Variants in FAM76B observed in about 807,000 individuals in gnomAD.
FAM76B encodes the protein protein FAM76B.
Under a neutral mutation model 51.8 loss-of-function variants are expected in FAM76B, and 16 were observed. The observed-to-expected ratio is 0.31, with a 90% CI of 0.21 to 0.47. The LOEUF is 0.47. Among genes scored for constraint, FAM76B ranks in the 20% least tolerant of loss-of-function variants. The pLI is 1.00. For synonymous variants in FAM76B, 166 were observed against 129.5 expected, an observed-to-expected ratio of 1.28 and a Z score of -1.91; for missense variants, 342 against 392.6, an observed-to-expected ratio of 0.87 and a Z score of 1.09.
Position 95,789,538 on chromosome 11 carries a change from C to A in FAM76B, c.-60G>T, listed in dbSNP as rs1490223334. ...CTCCGAGGCGGGGCCCTACGGAGAA[C>A]CCGAGAGCCGCCGCCGCCCGGGCCG... On this transcript the variant is annotated 5_prime_UTR_variant, in exon 1 of 10. Coordinates refer to ENST00000358780, the MANE Select transcript of FAM76B (RefSeq NM_144664.5). 12 of 1,489,996 alleles carry A rather than the reference C, an allele frequency of 8.1e-6. No individual in the cohort carries two copies. Among genetic ancestry groups the A allele is most frequent in the Non-Finnish European group, 1.1e-5 (12 of 1,105,098 alleles). The allele number at this position is 1,489,996 out of a possible 1,614,324, so 92.3% of individuals were successfully genotyped here. A position where few individuals can be genotyped will look rare whatever the true frequency, so the allele number is the denominator to read the frequency against.
chr11:95,789,381 A>G lies in FAM76B; in HGVS notation c.87+11T>C. ...GACACCCATCCCGCCCGCCTCCCGG[A>G]GCCCACGGACCTTGCAGAGCTGCTG... On this transcript the variant is annotated intron_variant, in intron 1 of 9. Coordinates refer to ENST00000358780, the MANE Select transcript of FAM76B (RefSeq NM_144664.5). The G allele has an allele frequency of 6.3e-7, 1 of 1,587,224 alleles. No individual in the cohort carries two copies. The highest frequency in any genetic ancestry group is 1.7e-4 in the Middle Eastern group (1 of 5,910).
intron 4 of FAM76B, among the ~76,000 whole-genome samples, chr11:95,785,835 G>A (rs1470120881): frequency 1.3e-5 from 2 of 152,174 alleles, no homozygotes; most frequent in African/African-American, 2.4e-5. Context: ...AAAGGGTAAA[G>A]TAAAAGGAGA....
chr11:95,784,509 C>T (rs1194626151), intron 4 of FAM76B, among the ~76,000 whole-genome samples: 1 of 151,766 alleles, frequency 6.6e-6, no homozygotes, highest in Non-Finnish European at 1.5e-5. Flanking sequence ...TATGTTCAGG[C>T]ACTCTTAGCA....
intron 5 of FAM76B, 86 bp from the exon 6 acceptor site, chr11:95,780,012 T>A: frequency 8.0e-7 from 1 of 1,245,212 alleles, no homozygotes; most frequent in Non-Finnish European, 1.1e-6. Context: ...TGGATACAAA[T>A]TTTATGTTTA....
intron 5 of FAM76B, among the ~76,000 whole-genome samples, chr11:95,781,079 CCT>C (rs961993338): frequency 3.8e-4 from 53 of 139,996 alleles, no homozygotes; most frequent in African/African-American, 1.2e-3. Context: ...TGCAGTTGTC[CCT>C]TTTTTTTTTT....
intron 9 of FAM76B, among the ~76,000 whole-genome samples, 188 bp from the exon 10 acceptor site, chr11:95,771,838 G>C (rs955301306): frequency 6.6e-6 from 1 of 151,006 alleles, no homozygotes; most frequent in African/African-American, 2.4e-5. Context: ...GAAAATTCTA[G>C]ATTGGCTCAT....
rs553919580 is a variant in FAM76B at position 95,788,673 on chromosome 11, C to T, written c.88-110G>A. Reference sequence around the variant, plus strand: ...GTGAAAGTCTAAAACATTTATAAAACCTGGCCCCAACGTAAAGAACTGGAT... The same window carrying T: ...GTGAAAGTCTAAAACATTTATAAAATCTGGCCCCAACGTAAAGAACTGGAT... On this transcript the variant is annotated intron_variant, in intron 1 of 9. Transcript: ENST00000358780. 2.9e-5 allele frequency: 37 copies of T among 1,271,324 alleles called. No individual in the cohort carries two copies. The South Asian group carries it at 4.8e-4, about 16-fold the overall frequency. 78.8% of individuals were successfully genotyped at this position (1,271,324 alleles called of 1,614,324 possible).
chr11:95,785,718 C>T (rs1860534867), intron 4 of FAM76B, among the ~76,000 whole-genome samples: 1 of 152,146 alleles, frequency 6.6e-6, no homozygotes, highest in Non-Finnish European at 1.5e-5. Context: ...AAACAAACAA[C>T]AGTTTCAAAT....
At chr11:95,785,811 T>G (rs1290985166) in intron 4 of FAM76B, among the ~76,000 whole-genome samples, 2 of 152,338 alleles carry the variant, frequency 1.3e-5, no homozygotes, top group South Asian at 2.1e-4. Context: ...ACCAGTGATG[T>G]CAAGTAACTA....
intron 2 of FAM76B, 48 bp from the exon 3 acceptor site, chr11:95,787,726 T>C: frequency 7.0e-7 from 1 of 1,438,090 alleles, no homozygotes; most frequent in Non-Finnish European, 9.6e-7. Context: ...CTTTCTAAAG[T>C]AATTAGCACA....
chr11:95,783,249 A>G lies in FAM76B; in HGVS notation c.379T>C (p.Leu127=), dbSNP rs147901594. 1.8e-4 allele frequency: 286 copies of G among 1,612,176 alleles called. 3 individuals carry two copies. In the East Asian group the frequency reaches 6.2e-3, roughly 35 times the overall value. Residue 127 remains leucine, a synonymous_variant, in exon 5 of 10, where the codon TTA becomes CTA. Transcript: ENST00000358780. ...TACGATAAAGTACAGAGCCAGCATAATAACTTTCCATCAACCTTTTAAGAA... is the reference window on the plus strand; with the variant it reads ...TACGATAAAGTACAGAGCCAGCATAGTAACTTTCCATCAACCTTTTAAGAA... ...EGRRKVDGKL[L]CWLCTLSYKR... is the part of the protein sequence containing the mutation.
At chr11:95,775,758 T>C in intron 9 of FAM76B, 164 bp downstream of exon 9, 1 of 423,996 alleles carries the variant, frequency 2.4e-6, no homozygotes, top group Non-Finnish European at 4.1e-6. Flanking sequence ...AAACAATAAC[T>C]TCTAATGAGA....
rs1342242746 is a variant in FAM76B at position 95,788,974 on chromosome 11, G to C, written c.88-411C>G. ...TGGACAGGGAAGAAGGATGCCATCA[G>C]CTTTGCGGCTTCGGGTTCCTAGCAA... On this transcript the variant is annotated intron_variant, in intron 1 of 9. Transcript: ENST00000358780. 6.7e-6 allele frequency: 9 copies of C among 1,348,062 alleles called. No individual in the cohort carries two copies. The African/African-American group carries it at 1.2e-4, about 18-fold the overall frequency. The allele number at this position is 1,348,062 out of a possible 1,614,324, so 83.5% of individuals were successfully genotyped here.
chr11:95,780,162 G>C (rs1319794311), intron 5 of FAM76B, among the ~76,000 whole-genome samples: 2 of 151,722 alleles, frequency 1.3e-5, no homozygotes, highest in Admixed American at 6.6e-5. Context: ...TTTATAATCA[G>C]GATCTCCACA....
intron 1 of FAM76B, chr11:95,788,764 T>C (rs1860762892): frequency 2.8e-6 from 4 of 1,405,768 alleles, no homozygotes; most frequent in Non-Finnish European, 3.8e-6. Flanking sequence ...TCTTTGTCTT[T>C]AGTAGACGTG....
At chr11:95,784,648 C>A (rs1003749454) in intron 4 of FAM76B, among the ~76,000 whole-genome samples, 1 of 149,804 alleles carries the variant, frequency 6.7e-6, no homozygotes, top group Non-Finnish European at 1.5e-5. Context: ...AGTGCAGTGG[C>A]GCAATCTTGG....
chr11:95,778,844 G>T lies in FAM76B; in HGVS notation c.806C>A (p.Thr269Asn). Residue 269 changes from threonine (T) to asparagine (N), a missense_variant, in exon 8 of 10, where the codon ACC becomes AAC. By Grantham distance (65) the Thr-to-Asn change is moderately conservative. Around this residue, in one of 3 missense-constraint regions of FAM76B, gnomAD observed 230 missense variants for 257.4 expected, o/e 0.89. Coordinates refer to ENST00000358780, the MANE Select transcript of FAM76B (RefSeq NM_144664.5). ...LKRLLQQRDQ[T>N]ILEKDKKLTE... ...TACCTTTTTATCTTTTTCTAAAATGGTCTGGTCTCTCTGCTGTAAGAGACG... is the reference window on the plus strand; with the variant it reads ...TACCTTTTTATCTTTTTCTAAAATGTTCTGGTCTCTCTGCTGTAAGAGACG... 6.2e-7 allele frequency: 1 copy of T among 1,606,542 alleles called. No homozygotes were observed.
Position 95,786,277 on chromosome 11 carries a change from G to A in FAM76B, c.208-3C>T. The A allele has an allele frequency of 1.2e-6, 2 of 1,613,076 alleles. No individual in the cohort carries two copies. Among genetic ancestry groups the A allele is most frequent in the Non-Finnish European group, 1.7e-6 (2 of 1,179,514 alleles). ...TTACAGTACTGACAAGGCTTGGGCT[G>A]AAAAACATACACATTTTGAGACTTT... On this transcript the variant is annotated splice_region_variant and splice_polypyrimidine_tract_variant and intron_variant, in intron 3 of 9. Coordinates refer to ENST00000358780, the MANE Select transcript of FAM76B (RefSeq NM_144664.5).
intron 2 of FAM76B, among the ~76,000 whole-genome samples, chr11:95,788,060 G>T (rs1481499902): frequency 6.6e-6 from 1 of 152,062 alleles, no homozygotes; most frequent in African/African-American, 2.4e-5. Context: ...CTTTTCTGAG[G>T]CTACTTTCTG....
Sources: allele counts gnomAD v4.1 joint callset (sites outside exome capture counted in the v4.1 genomes callset), GRCh38; gene constraint gnomAD v4.1.1; regional missense constraint gnomAD v4.1.1; transcripts MANE v1.5; gene names NCBI Gene and HGNC (gene_info 2026-07-23, HGNC 2026-07-21).